Variants in COX6C observed in about 807,000 individuals in gnomAD.
The protein encoded by COX6C is cytochrome c oxidase subunit 6C, also known as cytochrome c oxidase polypeptide VIc.
In COX6C, 3 loss-of-function variants were observed where a neutral mutation model predicts 6.9. That is an observed-to-expected ratio of 0.43 (90% confidence interval 0.20 to 1.12). The LOEUF is 1.12. COX6C is among the 50% of genes most tolerant of loss of function. The pLI, the probability that COX6C is intolerant of heterozygous loss-of-function variation, is 0.27. For missense variants in COX6C, 101 were observed against 97.3 expected (o/e 1.04, Z -0.16); for synonymous variants, 32 against 32.0 (o/e 1.00, Z 0.00).
At chr8:99,883,661 A>G (rs1817902615) in intron 3 of COX6C, among the ~76,000 whole-genome samples, 1 of 152,080 alleles carries the variant, frequency 6.6e-6, no homozygotes, top group Non-Finnish European at 1.5e-5. Context: ...GGAAAAGGGA[A>G]CATTTCCACA....
chr8:99,878,545 T>C (rs2130998311), intron 3 of COX6C: 1 of 152,336 alleles, frequency 6.6e-6, no homozygotes, highest in South Asian at 2.1e-4. Context: ...TTCTGCTTTT[T>C]TCCTTCTCAA....
At position 99,893,674 on chromosome 8, in the gene COX6C, C is replaced by G. The variant is rs1001410205; in HGVS notation, c.-67G>C. On this transcript the variant is annotated 5_prime_UTR_variant, in exon 1 of 4. Transcript: ENST00000520468. Reference sequence around the variant, plus strand: ...ACGTCCTTCCTGACTAAAGGAAAAACGAACCGTGCTGTAGCCGCGCGCAGG... The same window carrying G: ...ACGTCCTTCCTGACTAAAGGAAAAAGGAACCGTGCTGTAGCCGCGCGCAGG... 1 of 152,308 alleles carries G rather than the reference C, an allele frequency of 6.6e-6. No homozygotes were observed. Among genetic ancestry groups the G allele is most frequent in the African/African-American group, 2.4e-5 (1 of 41,480 alleles). 9.4% of individuals were successfully genotyped at this position (152,308 alleles called of 1,614,324 possible). A position where few individuals can be genotyped will look rare whatever the true frequency, so the allele number is the denominator to read the frequency against.
intron 3 of COX6C, among the ~76,000 whole-genome samples, chr8:99,881,361 TAAA>T (rs202059068): frequency 7.2e-6 from 1 of 139,828 alleles, no homozygotes; most frequent in Non-Finnish European, 1.6e-5. Flanking sequence ...CTCCATCTCT[TAAA>T]AAAAAAAAAA....
chr8:99,878,704 A>G (rs894098124), intron 3 of COX6C: 3 of 152,186 alleles, frequency 2.0e-5, no homozygotes, highest in African/African-American at 7.2e-5. Flanking sequence ...TAAAAATCTA[A>G]CAAATTTAAA....
At chr8:99,892,513 T>A (rs1345202756) in intron 1 of COX6C, among the ~76,000 whole-genome samples, 1 of 152,092 alleles carries the variant, frequency 6.6e-6, no homozygotes, top group Non-Finnish European at 1.5e-5. Context: ...TACTCTGAGC[T>A]TTTTTTCCCT....
rs917870309 is a variant in COX6C at position 99,889,424 on chromosome 8, T to C, written c.115-1806A>G. On this transcript the variant is annotated intron_variant, in intron 2 of 3. Transcript: ENST00000520468. ...TTTTGAGACAGAGTCTCGCTCTTGTTGCCCAGGCTGGAGTGTAATGGTGCG... is the reference window on the plus strand; with the variant it reads ...TTTTGAGACAGAGTCTCGCTCTTGTCGCCCAGGCTGGAGTGTAATGGTGCG... Among the ~76,000 whole-genome samples, 6 of 150,776 alleles carry C rather than the reference T, an allele frequency of 4.0e-5. No homozygotes were observed. The East Asian group carries it at 1.2e-3, about 30-fold the overall frequency.
chr8:99,890,796 G>A (rs1020379199), intron 2 of COX6C, among the ~76,000 whole-genome samples: 2 of 152,116 alleles, frequency 1.3e-5, no homozygotes, highest in African/African-American at 4.8e-5. Flanking sequence ...AAAATAAAGG[G>A]CATAACAAAA....
At chr8:99,888,462 T>C (rs1390154515) in intron 2 of COX6C, among the ~76,000 whole-genome samples, 1 of 152,018 alleles carries the variant, frequency 6.6e-6, no homozygotes, top group African/African-American at 2.4e-5. Flanking sequence ...TCCCAGCTAC[T>C]TGGGAGGCTG....
At chr8:99,882,606 C>T (rs992830253) in intron 3 of COX6C, among the ~76,000 whole-genome samples, 3 of 152,004 alleles carry the variant, frequency 2.0e-5, no homozygotes, top group Non-Finnish European at 4.4e-5. Context: ...AAAATCAAAG[C>T]CAACAGTTAG....
At chr8:99,884,474 GCTAAAAA>G (rs1425811999) in intron 3 of COX6C, among the ~76,000 whole-genome samples, 11 of 152,120 alleles carry the variant, frequency 7.2e-5, no homozygotes, top group Non-Finnish European at 1.3e-4. Context: ...CCTGTATACT[GCTAAAAA>G]AATTAGCAAA....
chr8:99,889,949 C>A (rs1306821673), intron 2 of COX6C, among the ~76,000 whole-genome samples: 2 of 151,714 alleles, frequency 1.3e-5, no homozygotes, highest in East Asian at 2.0e-4. Context: ...AAAAAATTAG[C>A]CGGGTGTGGT....
intron 3 of COX6C, among the ~76,000 whole-genome samples, chr8:99,884,628 G>C (rs777714171): frequency 2.0e-5 from 3 of 152,132 alleles, no homozygotes; most frequent in Non-Finnish European, 4.4e-5. Flanking sequence ...TGGACACATT[G>C]TTTTGATTAT....
At chr8:99,881,276 C>T (rs752701089) in intron 3 of COX6C, among the ~76,000 whole-genome samples, 3 of 151,894 alleles carry the variant, frequency 2.0e-5, no homozygotes, top group Non-Finnish European at 4.4e-5. Context: ...ATGAGAATTG[C>T]TTGAACCCAC....
At chr8:99,888,122 T>TA (rs1173548093) in intron 2 of COX6C, among the ~76,000 whole-genome samples, 25 of 145,640 alleles carry the variant, frequency 1.7e-4, no homozygotes, top group South Asian at 4.3e-4. Context: ...AAATAAAAAA[T>TA]AAAAAAAAAA....
chr8:99,891,509 AAAG>A (rs1818031701), intron 2 of COX6C, among the ~76,000 whole-genome samples: 1 of 152,186 alleles, frequency 6.6e-6, no homozygotes, highest in Non-Finnish European at 1.5e-5. Flanking sequence ...AAGAAAATGA[AAAG>A]AAGGGCAGAA....
intron 3 of COX6C, among the ~76,000 whole-genome samples, chr8:99,880,498 C>T (rs568846687): frequency 2.2e-4 from 33 of 151,944 alleles, no homozygotes; most frequent in African/African-American, 7.5e-4. Context: ...GAGAAGGGGT[C>T]GGAATCACTA....
At chr8:99,885,476 C>T (rs1239903867) in intron 3 of COX6C, among the ~76,000 whole-genome samples, 1 of 152,076 alleles carries the variant, frequency 6.6e-6, no homozygotes, top group Non-Finnish European at 1.5e-5. Context: ...GACAGACATA[C>T]AGACTAAAGA....
In COX6C at chr8:99,887,585, C is replaced by T. The variant is rs376349848; in HGVS notation, c.148G>A (p.Ala50Thr). 3.7e-5 allele frequency: 60 copies of T among 1,606,888 alleles called. No individual in the cohort carries two copies. Among genetic ancestry groups the T allele is most frequent in the South Asian group, 1.3e-4 (12 of 89,168 alleles). The change falls in exon 3 of 4, where the codon GCA becomes ACA. Residue 50 changes from alanine to threonine, a missense_variant. Coordinates refer to ENST00000520468, the MANE Select transcript of COX6C (RefSeq NM_004374.4). ...ACATCGTAGTTTCTGTAGAAATCTG[C>T]GTATGCCTTCTTTCTTTGATCAGCC... is the stretch of plus-strand genomic sequence containing the variant. ...RVADQRKKAY[A>T]DFYRNYDVMK...
chr8:99,892,290 C>G (rs1188734733), intron 1 of COX6C, among the ~76,000 whole-genome samples: 1 of 152,128 alleles, frequency 6.6e-6, no homozygotes, highest in Non-Finnish European at 1.5e-5. Context: ...TGCTGGGATT[C>G]CGGCCTACAA....
Sources: allele counts gnomAD v4.1 joint callset (sites outside exome capture counted in the v4.1 genomes callset), GRCh38; gene constraint gnomAD v4.1.1; transcripts MANE v1.5; gene names NCBI Gene and HGNC (gene_info 2026-07-23, HGNC 2026-07-21).